ABCB9: variants seen among roughly 807,000 people sequenced by gnomAD.
ABCB9 encodes ABC-type oligopeptide transporter ABCB9.
In ABCB9, 36 loss-of-function variants were observed where a neutral mutation model predicts 62.0. That is an observed-to-expected ratio of 0.58 (90% CI 0.45 to 0.77). The LOEUF (loss-of-function observed/expected upper bound fraction) is 0.77, where lower values mean the gene tolerates loss of function less well. Ranked by LOEUF, ABCB9 falls within the 30% of genes least tolerant of loss-of-function variation. The probability of loss-of-function intolerance (pLI) is 0.00; values close to 1 mark genes in which losing one functional copy is unlikely to be tolerated. For missense variants in ABCB9, 943 were observed against 1,054.7 expected (o/e 0.89, Z 1.47); for synonymous variants, 435 against 461.4 (o/e 0.94, Z 0.73).
At chr12:122,924,204 C>A (rs563893426), downstream of ABCB9, among the ~76,000 whole-genome samples, 1 of 152,174 alleles carries the variant, frequency 6.6e-6, no homozygotes, top group Non-Finnish European at 1.5e-5. Flanking sequence ...AGTGTGGGGA[C>A]CTGGGTTCCA....
At position 122,930,219 on chromosome 12, in the gene ABCB9, C is replaced by T. The variant is rs770524796; in HGVS notation, c.2041-48G>A. 1.5e-5 allele frequency: 22 copies of T among 1,489,200 alleles called. No individual in the cohort carries two copies. Among genetic ancestry groups the T allele is most frequent in the South Asian group, 9.0e-5 (7 of 77,586 alleles). The allele number at this position is 1,489,200 out of a possible 1,614,324, so 92.2% of individuals were successfully genotyped here. A position where few individuals can be genotyped will look rare whatever the true frequency, so the allele number is the denominator to read the frequency against. The stretch of plus-strand genomic sequence containing the variant: ...GCTTGCATGGCACGGACGCCCCACC[C>T]GCAACCGTGCTTCATGCCACGGCCT... On this transcript the variant is annotated intron_variant, in intron 11 of 11. Transcript: ENST00000280560. This position sits in a 1 kb window ranked among gnomAD's most constrained non-coding sequence, Gnocchi z 4.9.
chr12:122,965,341 C>T (rs1292491245), intron 1 of ABCB9, among the ~76,000 whole-genome samples: 3 of 152,234 alleles, frequency 2.0e-5, no homozygotes, highest in Non-Finnish European at 4.4e-5. Context: ...AGCTTTTTAC[C>T]CCGGTGTGGG....
intron 1 of ABCB9, among the ~76,000 whole-genome samples, chr12:122,960,630 C>A (rs1214313288): frequency 3.3e-5 from 5 of 152,052 alleles, no homozygotes; most frequent in Admixed American, 6.6e-5. Context: ...GTAATCCCAG[C>A]ACTTTGGGAG....
upstream of ABCB9, among the ~76,000 whole-genome samples, chr12:122,970,564 T>C (rs900030426): frequency 1.3e-5 from 2 of 152,116 alleles, no homozygotes; most frequent in Non-Finnish European, 2.9e-5. Flanking sequence ...CTTTATTCTA[T>C]TGAATGTTTC....
intron 9 of ABCB9, among the ~76,000 whole-genome samples, chr12:122,938,159 T>C (rs370513684): frequency 2.2e-4 from 34 of 152,242 alleles, no homozygotes; most frequent in African/African-American, 7.7e-4. Flanking sequence ...CGTACTCATG[T>C]ACAACAGAAA....
At position 122,935,308 on chromosome 12, in the gene ABCB9, C is replaced by T. The variant is rs147328787; in HGVS notation, c.1867G>A (p.Gly623Ser). 35 of 1,613,010 alleles carry T rather than the reference C, an allele frequency of 2.2e-5. No individual in the cohort carries two copies. Among genetic ancestry groups the T allele is most frequent in the African/African-American group, 1.2e-4 (9 of 74,894 alleles). The change falls in exon 10 of 12, where the codon GGC (glycine) becomes AGC (serine). Residue 623 changes from glycine to serine, a missense_variant. Physicochemically the swap from Gly to Ser is moderately conservative, Grantham distance 56. Coordinates refer to ENST00000280560, the MANE Select transcript of ABCB9 (RefSeq NM_019625.4). Reference sequence around the variant, plus strand: ...CCGTCCTGGAGTTCCATGATGAAGCCGTGGGCATTGGCCTTCTGTGCGGCC... The same window carrying T: ...CCGTCCTGGAGTTCCATGATGAAGCTGTGGGCATTGGCCTTCTGTGCGGCC... ...VEAAQKANAH[G>S]FIMELQDGYS...
Position 122,959,650 on chromosome 12 carries a change from T to C in ABCB9, c.586A>G (p.Ile196Val), listed in dbSNP as rs1340638235. ...AFLVAASFFL[I>V]VAALGETFLP... The stretch of plus-strand genomic sequence containing the variant: ...CCTTACTTACCCAGAGCTGCCACGA[T>C]GAGGAAGAAGGAGGCGGCCACGAGG... The change falls in exon 2 of 12, where the codon ATC becomes GTC. Residue 196 changes from isoleucine to valine, a missense_variant. Transcript: ENST00000280560. The surrounding 1 kb of genome is among the most constrained non-coding windows in gnomAD (Gnocchi z 5.4). 1 of 1,562,914 alleles carries C rather than the reference T, an allele frequency of 6.4e-7. No individual in the cohort carries two copies. The highest frequency in any genetic ancestry group is 1.4e-5 in the African/African-American group (1 of 73,564).
At chr12:122,966,863 T>C (rs2037197798), upstream of ABCB9, among the ~76,000 whole-genome samples, 1 of 152,258 alleles carries the variant, frequency 6.6e-6, no homozygotes, top group Non-Finnish European at 1.5e-5. Context: ...GGGTGGGTTA[T>C]GGTCCTCATT....
intron 7 of ABCB9, among the ~76,000 whole-genome samples, chr12:122,942,018 T>C (rs1313814176): frequency 6.6e-6 from 1 of 152,036 alleles, no homozygotes; most frequent in Non-Finnish European, 1.5e-5. Context: ...TGTGGGCCAC[T>C]GCGTCCGGCC....
chr12:122,958,636 C>A (rs1174152651), intron 2 of ABCB9, among the ~76,000 whole-genome samples: 1 of 152,028 alleles, frequency 6.6e-6, no homozygotes, highest in Non-Finnish European at 1.5e-5. Context: ...CCCAGGAGTT[C>A]GAGATCAGCC....
Position 122,940,833 on chromosome 12 carries a change from T to G in ABCB9, c.1543A>C (p.Thr515Pro), listed in dbSNP as rs2035716929. 6.2e-7 allele frequency: 1 copy of G among 1,601,122 alleles called. No homozygotes were observed. ...DFENVTFTYR[T>P]RPHTQVLQNV... ...TGCAGGACCTGGGTGTGGGGCCGAGTGCGGTAGGTGAAGGTCACATTCTCA... is the reference window on the plus strand; with the variant it reads ...TGCAGGACCTGGGTGTGGGGCCGAGGGCGGTAGGTGAAGGTCACATTCTCA... The change falls in exon 8 of 12, where the codon ACT becomes CCT. Residue 515 changes from threonine to proline, a missense_variant. Thr to Pro is a conservative substitution (Grantham distance 38). Coordinates refer to ENST00000280560, the MANE Select transcript of ABCB9 (RefSeq NM_019625.4). The surrounding 1 kb of genome is among the most constrained non-coding windows in gnomAD (Gnocchi z 4.8).
intron 9 of ABCB9, among the ~76,000 whole-genome samples, chr12:122,935,923 T>C (rs1017107220): frequency 6.6e-6 from 1 of 151,848 alleles, no homozygotes; most frequent in African/African-American, 2.4e-5. Flanking sequence ...AATAATAGTA[T>C]GGCCAGGCCT....
chr12:122,925,288 AAT>A (rs1449865039), downstream of ABCB9, among the ~76,000 whole-genome samples: 1 of 152,114 alleles, frequency 6.6e-6, no homozygotes, highest in Non-Finnish European at 1.5e-5. Flanking sequence ...GATGTGGGGA[AAT>A]TGCAACCCTC....
downstream of ABCB9, among the ~76,000 whole-genome samples, chr12:122,918,697 A>T (rs1029651252): frequency 1.3e-5 from 2 of 151,962 alleles, no homozygotes; most frequent in African/African-American, 2.4e-5. Flanking sequence ...GGCTCAAGCG[A>T]TCCTCCCACT....
At chr12:122,975,114 C>T (rs548502599) in exon 1 of ABCB9, 5 of 511,094 alleles carry the variant, frequency 9.8e-6, no homozygotes, top group Non-Finnish European at 1.4e-5. Context: ...AGACCGTTTC[C>T]TGGCGAGGTG....
At chr12:122,954,768 TA>T (rs1477861320) in intron 2 of ABCB9, among the ~76,000 whole-genome samples, 2 of 152,202 alleles carry the variant, frequency 1.3e-5, no homozygotes, top group East Asian at 3.9e-4. Context: ...GCTGGGATTA[TA>T]GGTGTGAGCT....
chr12:122,928,773 C>A (rs910036780), downstream of ABCB9, among the ~76,000 whole-genome samples: 2 of 152,112 alleles, frequency 1.3e-5, no homozygotes, highest in African/African-American at 4.8e-5. Context: ...ACGTCTCTAT[C>A]CCCCTGCGCA....
At chr12:122,922,917 C>T (rs1219602447) in intron 11 of ABCB9, among the ~76,000 whole-genome samples, 1 of 151,820 alleles carries the variant, frequency 6.6e-6, no homozygotes, top group African/African-American at 2.4e-5. Flanking sequence ...TCCCAGCCTT[C>T]GGAGTAGCTG....
At chr12:122,958,105 G>T (rs536732847) in intron 2 of ABCB9, among the ~76,000 whole-genome samples, 2 of 146,904 alleles carry the variant, frequency 1.4e-5, no homozygotes, top group South Asian at 4.3e-4. Flanking sequence ...AGGAGATGGA[G>T]GTTGCGGTGA....
Sources: allele counts gnomAD v4.1 joint callset (sites outside exome capture counted in the v4.1 genomes callset), GRCh38; gene constraint gnomAD v4.1.1; non-coding constraint Gnocchi (gnomAD v3.1); transcripts MANE v1.5; gene names NCBI Gene and HGNC (gene_info 2026-07-23, HGNC 2026-07-21).